Variants in UBE2G1 observed in about 807,000 individuals in gnomAD.
UBE2G1 encodes ubiquitin-conjugating enzyme E2 G1.
In UBE2G1, 5 loss-of-function variants were observed where a neutral mutation model predicts 22.7. That is an observed-to-expected ratio of 0.22 (90% confidence interval 0.12 to 0.46). The LOEUF is 0.46. Ranked by LOEUF, UBE2G1 falls within the 20% of genes least tolerant of loss-of-function variation. UBE2G1 has a pLI of 0.99. For synonymous variants in UBE2G1, 74 were observed against 67.5 expected (o/e 1.10, Z -0.47); for missense variants, 88 against 203.9 (o/e 0.43, Z 3.46).
chr17:4,332,929 T>C (rs1969596585), intron 1 of UBE2G1, among the ~76,000 whole-genome samples: 1 of 152,330 alleles, frequency 6.6e-6, no homozygotes, highest in African/African-American at 2.4e-5. Flanking sequence ...CTACACTTTC[T>C]ATTAATTCTT....
chr17:4,276,299 C>T (rs945797372), intron 5 of UBE2G1, among the ~76,000 whole-genome samples: 4 of 151,958 alleles, frequency 2.6e-5, no homozygotes, highest in East Asian at 1.9e-4. Context: ...CTCAGCCTCC[C>T]GAGTAGCTGG....
chr17:4,277,145 G>A (rs929241264), intron 5 of UBE2G1, among the ~76,000 whole-genome samples: 2 of 152,156 alleles, frequency 1.3e-5, no homozygotes, highest in Admixed American at 1.3e-4. Flanking sequence ...ATTGACTTAT[G>A]GAGAGGTCTT....
intron 1 of UBE2G1, among the ~76,000 whole-genome samples, chr17:4,318,723 C>T (rs1283198252): frequency 6.6e-6 from 1 of 152,204 alleles, no homozygotes; most frequent in Non-Finnish European, 1.5e-5. Flanking sequence ...ACCAGTGGTT[C>T]TCAACTGTCC....
chr17:4,305,493 C>T (rs1356621451), intron 2 of UBE2G1, among the ~76,000 whole-genome samples: 1 of 152,218 alleles, frequency 6.6e-6, no homozygotes, highest in Non-Finnish European at 1.5e-5. Context: ...TGATTCACAT[C>T]TCAATTCAAC....
At position 4,366,394 on chromosome 17, in the gene UBE2G1, G is replaced by A; in HGVS notation, c.-78C>T. 2.2e-6 allele frequency: 3 copies of A among 1,351,736 alleles called. No homozygotes were observed. Among genetic ancestry groups the A allele is most frequent in the Admixed American group, 3.4e-5 (1 of 29,822 alleles). 83.7% of individuals were successfully genotyped at this position (1,351,736 alleles called of 1,614,324 possible). A position where few individuals can be genotyped will look rare whatever the true frequency, so the allele number is the denominator to read the frequency against. ...AGGCTCTGGGGGCGGCTGGAGCGGG[G>A]TGTGCCGAGGAACCCGGGCCCCGCG... On this transcript the variant is annotated 5_prime_UTR_variant, in exon 1 of 6. Transcript: ENST00000396981.
intron 4 of UBE2G1, among the ~76,000 whole-genome samples, chr17:4,288,950 G>A (rs1458259418): frequency 6.6e-6 from 1 of 152,044 alleles, no homozygotes; most frequent in African/African-American, 2.4e-5. Context: ...CAAGGCTGGA[G>A]GACCACTTGG....
intron 1 of UBE2G1, among the ~76,000 whole-genome samples, chr17:4,322,398 C>G (rs985881813): frequency 6.6e-6 from 1 of 152,210 alleles, no homozygotes; most frequent in Non-Finnish European, 1.5e-5. Context: ...AACTCCTCCT[C>G]AAACTCTTCC....
chr17:4,325,640 T>C (rs1969497303), intron 1 of UBE2G1, among the ~76,000 whole-genome samples: 2 of 152,114 alleles, frequency 1.3e-5, no homozygotes, highest in Admixed American at 1.3e-4. Context: ...ATCCTAAAAT[T>C]CACACCCCAA....
chr17:4,350,470 A>G (rs2143815568), intron 1 of UBE2G1, among the ~76,000 whole-genome samples: 1 of 152,232 alleles, frequency 6.6e-6, no homozygotes, highest in East Asian at 1.9e-4. Context: ...AAAAAAACAA[A>G]AAAGAACACT....
chr17:4,330,602 T>C (rs1204714185), intron 1 of UBE2G1, among the ~76,000 whole-genome samples: 3 of 151,826 alleles, frequency 2.0e-5, no homozygotes, highest in Admixed American at 6.6e-5. Flanking sequence ...CCAGGCATGG[T>C]GGCACATGCC....
chr17:4,354,087 A>C (rs997761535), intron 1 of UBE2G1, among the ~76,000 whole-genome samples: 3 of 152,076 alleles, frequency 2.0e-5, no homozygotes, highest in Non-Finnish European at 4.4e-5. Flanking sequence ...CTTTCAGCAT[A>C]AACTTTGTCT....
chr17:4,348,243 G>A (rs149397782), intron 1 of UBE2G1, among the ~76,000 whole-genome samples: 1 of 152,110 alleles, frequency 6.6e-6, no homozygotes, highest in African/African-American at 2.4e-5. Context: ...AGGTGACAGA[G>A]CAAGACCCTG....
rs1404431706 is a variant in UBE2G1 at position 4,269,896 on chromosome 17, G to A, written c.*2658C>T. ...GCCTCACACTGATGAGGCACTGGTGGGACAAAAGCCACCTCGTTCAGTGTC... is the reference window on the plus strand; with the variant it reads ...GCCTCACACTGATGAGGCACTGGTGAGACAAAAGCCACCTCGTTCAGTGTC... On this transcript the variant is annotated 3_prime_UTR_variant, in exon 6 of 6. Coordinates refer to ENST00000396981, the MANE Select transcript of UBE2G1 (RefSeq NM_003342.5). 6.5e-6 allele frequency: 1 copy of A among 154,036 alleles called. No individual in the cohort carries two copies. Among genetic ancestry groups the A allele is most frequent in the East Asian group, 1.9e-4 (1 of 5,200 alleles). 9.5% of individuals were successfully genotyped at this position (154,036 alleles called of 1,614,324 possible). A position where few individuals can be genotyped will look rare whatever the true frequency, so the allele number is the denominator to read the frequency against.
intron 3 of UBE2G1, among the ~76,000 whole-genome samples, chr17:4,295,448 G>C (rs200542707): frequency 6.6e-6 from 1 of 152,148 alleles, no homozygotes; most frequent in African/African-American, 2.4e-5. Flanking sequence ...TCAAGCCTTG[G>C]CTTCTATTAC....
intron 2 of UBE2G1, among the ~76,000 whole-genome samples, chr17:4,297,734 A>G (rs1476366365): frequency 1.3e-5 from 2 of 152,212 alleles, no homozygotes; most frequent in Admixed American, 1.3e-4. Flanking sequence ...TTACCTCTAG[A>G]AAGATTTTAT....
intron 1 of UBE2G1, among the ~76,000 whole-genome samples, chr17:4,340,000 C>T (rs781554279): frequency 6.6e-6 from 1 of 152,202 alleles, no homozygotes; most frequent in Non-Finnish European, 1.5e-5. Flanking sequence ...GTGGTGCAGT[C>T]ATAGCTCACT....
chr17:4,298,687 A>G lies in UBE2G1; in HGVS notation c.150-1873T>C, dbSNP rs1665182432. On this transcript the variant is annotated intron_variant, in intron 2 of 5. Coordinates refer to ENST00000396981, the MANE Select transcript of UBE2G1 (RefSeq NM_003342.5). ...ATAGGAAAAAAAGCTGTAAAGGGTTAAAGAACAGGGTAGTAAAGTACTTAA... is the reference window on the plus strand; with the variant it reads ...ATAGGAAAAAAAGCTGTAAAGGGTTGAAGAACAGGGTAGTAAAGTACTTAA... Among the ~76,000 whole-genome samples, 3 of 152,238 alleles carry G rather than the reference A, an allele frequency of 2.0e-5. No homozygotes were observed. The South Asian group carries it at 6.2e-4, about 32-fold the overall frequency.
At chr17:4,353,305 C>T (rs1488708430) in intron 1 of UBE2G1, among the ~76,000 whole-genome samples, 1 of 151,814 alleles carries the variant, frequency 6.6e-6, no homozygotes, top group Non-Finnish European at 1.5e-5. Flanking sequence ...GTGTCACTTG[C>T]TTAAACAAGT....
intron 1 of UBE2G1, among the ~76,000 whole-genome samples, chr17:4,318,194 T>C (rs1969399165): frequency 6.6e-6 from 1 of 152,212 alleles, no homozygotes; most frequent in Non-Finnish European, 1.5e-5. Flanking sequence ...ATGTTAGTTG[T>C]CCATTTTCTT....
Sources: gnomAD v4.1 joint callset for allele counts (sites outside exome capture counted in the v4.1 genomes callset) on GRCh38, gnomAD v4.1.1 for gene constraint, MANE v1.5 for transcripts, NCBI Gene and HGNC (gene_info 2026-07-23, HGNC 2026-07-21) for gene names.